Variants in CPVL observed in about 807,000 individuals in gnomAD.
CPVL encodes carboxypeptidase vitellogenic like.
A neutral mutation model predicts 63.7 loss-of-function variants in CPVL; 51 were observed. The ratio of observed to expected loss-of-function variants is 0.80; its 90% CI spans 0.64 to 1.01. The LOEUF (loss-of-function observed/expected upper bound fraction) is 1.01. Ranked by LOEUF, CPVL falls within the 50% of genes least tolerant of loss-of-function variation. The pLI, the probability that CPVL is intolerant of heterozygous loss-of-function variation, is 0.00. For missense variants in CPVL, 530 were observed against 573.1 expected, an observed-to-expected ratio of 0.92 and a Z score of 0.77; for synonymous variants, 195 against 206.0, an observed-to-expected ratio of 0.95 and a Z score of 0.46.
intron 11 of CPVL, among the ~76,000 whole-genome samples, chr7:29,043,923 G>A (rs567472616): frequency 9.9e-5 from 15 of 152,150 alleles, no homozygotes; most frequent in Non-Finnish European, 2.1e-4. Context: ...ACTCTCACAC[G>A]AAAGAAGAGG....
intron 12 of CPVL, among the ~76,000 whole-genome samples, chr7:28,999,199 G>C (rs1344049956): frequency 1.3e-5 from 2 of 152,166 alleles, no homozygotes; most frequent in African/African-American, 4.8e-5. Context: ...GCGACAGAGT[G>C]AGACTCCACC....
At chr7:29,051,101 T>C (rs1455982091) in intron 11 of CPVL, among the ~76,000 whole-genome samples, 1 of 152,086 alleles carries the variant, frequency 6.6e-6, no homozygotes, top group Middle Eastern at 3.2e-3. Context: ...AAAAATCAAC[T>C]CAAGATTGAT....
chr7:29,072,212 G>T, intron 8 of CPVL, 89 bp downstream of exon 8: 1 of 1,437,430 alleles, frequency 7.0e-7, no homozygotes, highest in South Asian at 1.3e-5. Flanking sequence ...CTTATCAAAA[G>T]TTAGACCTCT....
In CPVL at chr7:29,096,199, G is replaced by A. The variant is rs188939784; in HGVS notation, c.307C>T (p.Pro103Ser). ...FPAQIQPEDA[P>S]VVLWLQGGPG... ...CCACCCTGTAGCCAGAGAACTACTG[G>A]GGCATCTTCTGGCTGTATCTAGAGG... Residue 103 changes from proline (P) to serine (S), a missense_variant, in exon 4 of 13, where the codon CCA becomes TCA. Transcript: ENST00000265394. 9.3e-6 allele frequency: 15 copies of A among 1,613,894 alleles called. No homozygotes were observed. The East Asian group carries it at 3.1e-4, about 34-fold the overall frequency.
chr7:29,168,601 C>T (rs1288222839), intron 5 of CPVL, among the ~76,000 whole-genome samples: 1 of 152,106 alleles, frequency 6.6e-6, no homozygotes, highest in Admixed American at 6.5e-5. Context: ...TTTGGAGGTC[C>T]AGTGTTATGT....
chr7:29,152,758 G>T (rs1364286878), intron 5 of CPVL, among the ~76,000 whole-genome samples: 1 of 152,178 alleles, frequency 6.6e-6, no homozygotes, highest in Non-Finnish European at 1.5e-5. Flanking sequence ...GTCTCTTTCG[G>T]TGCACCCCAT....
chr7:29,099,137 T>C (rs957176965), intron 3 of CPVL, among the ~76,000 whole-genome samples: 2 of 152,240 alleles, frequency 1.3e-5, no homozygotes, highest in Non-Finnish European at 2.9e-5. Flanking sequence ...CACTGTATGC[T>C]TGCTGGGAGG....
upstream of CPVL, chr7:29,146,728 CG>C: frequency 1.3e-6 from 2 of 1,550,524 alleles, no homozygotes; most frequent in African/African-American, 1.4e-5. Context: ...TGAAGAGCAT[CG>C]GCGGGGTGCC....
intron 5 of CPVL, among the ~76,000 whole-genome samples, chr7:29,154,988 G>A (rs557859030): frequency 2.6e-5 from 4 of 152,272 alleles, no homozygotes; most frequent in African/African-American, 9.6e-5. Context: ...TTACATGGAT[G>A]GTGGCAGGCA....
chr7:29,129,109 T>C (rs1027108240), intron 1 of CPVL, among the ~76,000 whole-genome samples: 1 of 152,124 alleles, frequency 6.6e-6, no homozygotes, highest in Non-Finnish European at 1.5e-5. Flanking sequence ...ATCTAACAAG[T>C]AGGCTTAAGG....
chr7:29,192,897 T>C (rs1306588111), intron 1 of CPVL: 1 of 152,216 alleles, frequency 6.6e-6, no homozygotes, highest in African/African-American at 2.4e-5. Context: ...CATAGATTAC[T>C]AGTCAAACAA....
chr7:29,163,835 A>G (rs1462651153), intron 5 of CPVL, among the ~76,000 whole-genome samples: 1 of 152,218 alleles, frequency 6.6e-6, no homozygotes, highest in Non-Finnish European at 1.5e-5. Context: ...AGATTCATCT[A>G]TGTTATGCAT....
At chr7:29,032,296 C>T (rs1276160082) in intron 11 of CPVL, among the ~76,000 whole-genome samples, 1 of 152,070 alleles carries the variant, frequency 6.6e-6, no homozygotes, top group African/African-American at 2.4e-5. Flanking sequence ...AGCAGTCAGA[C>T]TAAGATGAAA....
intron 5 of CPVL, among the ~76,000 whole-genome samples, chr7:29,175,953 G>C (rs1345992156): frequency 6.6e-6 from 1 of 152,136 alleles, no homozygotes; most frequent in Non-Finnish European, 1.5e-5. Context: ...TTGGGAGGCC[G>C]AGGCGGGAAG....
intron 5 of CPVL, among the ~76,000 whole-genome samples, chr7:29,093,737 C>T (rs56743162): frequency 0.16 from 24,045 of 152,116 alleles, 2,149 homozygotes; most frequent in East Asian, 0.37. Context: ...GTTTTCCAAA[C>T]ACCCAAGGAT....
At chr7:29,151,485 A>G (rs1036396877), upstream of CPVL, among the ~76,000 whole-genome samples, 9 of 152,224 alleles carry the variant, frequency 5.9e-5, no homozygotes, top group African/African-American at 1.9e-4. Flanking sequence ...ATTAATATAG[A>G]CATGGCCACT....
At chr7:29,027,515 T>C (rs1480453204) in intron 12 of CPVL, among the ~76,000 whole-genome samples, 2 of 152,108 alleles carry the variant, frequency 1.3e-5, no homozygotes, top group Non-Finnish European at 2.9e-5. Flanking sequence ...AAGGCATTCA[T>C]ACTGAAAAAG....
chr7:28,997,004 T>C (rs1784150491), intron 12 of CPVL, among the ~76,000 whole-genome samples: 1 of 152,216 alleles, frequency 6.6e-6, no homozygotes, highest in Non-Finnish European at 1.5e-5. Context: ...TTGGGTGATA[T>C]AAAGCATTCC....
rs56954460 is a variant in CPVL, at chr7:29,135,103, C to CAAA, written c.-11+11323_-11+11325dup. Among the ~76,000 whole-genome samples, 586 of 121,324 alleles carry CAAA rather than the reference C, an allele frequency of 4.8e-3. 5 individuals are homozygous for CAAA. The highest frequency in any genetic ancestry group is 0.023 in the South Asian group (82 of 3,606). 79.6% of individuals were successfully genotyped at this position (121,324 alleles called of 152,430 possible). A position where few individuals can be genotyped will look rare whatever the true frequency, so the allele number is the denominator to read the frequency against. ...TAGATGACAGAGAGAGACCTTGCCT[C>CAAA]AAAAAAAAAAAAAAAAAAATCAGGG... On this transcript the variant is annotated intron_variant, in intron 1 of 12. Transcript: ENST00000265394.
Sources: allele counts gnomAD v4.1 joint callset (sites outside exome capture counted in the v4.1 genomes callset), GRCh38; gene constraint gnomAD v4.1.1; transcripts MANE v1.5; gene names NCBI Gene and HGNC (gene_info 2026-07-23, HGNC 2026-07-21).